Variants in CDH4 observed in about 807,000 individuals in gnomAD.
CDH4 encodes the protein cadherin-4.
CDH4 carries 33 observed loss-of-function variants against 86.0 expected under a neutral mutation model. The ratio of observed to expected loss-of-function variants is 0.38; its 90% confidence interval spans 0.29 to 0.51. The LOEUF (loss-of-function observed/expected upper bound fraction) is 0.51. Ranked by LOEUF, CDH4 falls within the 20% of genes least tolerant of loss-of-function variation. CDH4 has a pLI of 0.86. For missense variants in CDH4, 1,114 were observed against 1,307.4 expected (o/e 0.85, Z 2.28); for synonymous variants, 555 against 549.4 (o/e 1.01, Z -0.14).
chr20:61,731,482 C>CT (rs765104285), intron 2 of CDH4, among the ~76,000 whole-genome samples: 89 of 152,296 alleles, frequency 5.8e-4, no homozygotes, highest in Non-Finnish European at 1.1e-3. Context: ...GGGCAGGGCC[C>CT]ATAGGGTGCA....
intron 2 of CDH4, among the ~76,000 whole-genome samples, chr20:61,638,637 A>G (rs935355513): frequency 7.9e-5 from 12 of 152,250 alleles, no homozygotes; most frequent in African/African-American, 2.4e-4. Flanking sequence ...CTGTCATTCA[A>G]TTTGAGGCAC....
chr20:61,822,308 G>T (rs780271894), intron 4 of CDH4, among the ~76,000 whole-genome samples: 6 of 152,188 alleles, frequency 3.9e-5, no homozygotes, highest in Non-Finnish European at 7.3e-5. Flanking sequence ...GGGTGAGTAT[G>T]ATTATCGCAC....
At chr20:61,674,925 G>A (rs149196038) in intron 2 of CDH4, among the ~76,000 whole-genome samples, 9 of 152,312 alleles carry the variant, frequency 5.9e-5, no homozygotes, top group South Asian at 4.1e-4. Context: ...ATTCCTGTAC[G>A]TATTGTCTGT....
At chr20:61,849,209 C>T (rs1409907740) in intron 5 of CDH4, among the ~76,000 whole-genome samples, 1 of 151,980 alleles carries the variant, frequency 6.6e-6, no homozygotes, top group Non-Finnish European at 1.5e-5. Context: ...GCCTGGCTTT[C>T]CTGCCCTTCC....
At chr20:61,298,770 A>G (rs1010011627) in intron 2 of CDH4, among the ~76,000 whole-genome samples, 3 of 151,434 alleles carry the variant, frequency 2.0e-5, no homozygotes, top group African/African-American at 7.3e-5. Context: ...GTCATTTCCA[A>G]GTTAAGCTGC....
In CDH4 at chr20:61,852,837, C is replaced by T; in HGVS notation, c.816C>T (p.Asp272=). Residue 272 remains aspartate, a synonymous_variant, in exon 6 of 16, where the codon GAC becomes GAT. Transcript: ENST00000614565. ...DLYIYVIDMN[D]NRPEFINQVY... is the part of the protein sequence containing the mutation. Reference sequence around the variant, plus strand: ...ACATCTACGTCATCGACATGAATGACAACCGCCCTGAGTTCATCAACCAGG... The same window carrying T: ...ACATCTACGTCATCGACATGAATGATAACCGCCCTGAGTTCATCAACCAGG... 1 of 1,614,124 alleles carries T rather than the reference C, an allele frequency of 6.2e-7. No individual in the cohort carries two copies. Among genetic ancestry groups the T allele is most frequent in the East Asian group, 2.2e-5 (1 of 44,878 alleles).
At chr20:61,648,407 C>A (rs934920552) in intron 2 of CDH4, among the ~76,000 whole-genome samples, 1 of 152,074 alleles carries the variant, frequency 6.6e-6, no homozygotes, top group Non-Finnish European at 1.5e-5. Context: ...CTCTGAGGGC[C>A]GGCAGTGTGA....
chr20:61,897,225 A>G (rs146987720), intron 8 of CDH4, among the ~76,000 whole-genome samples: 3 of 152,258 alleles, frequency 2.0e-5, no homozygotes, highest in African/African-American at 7.2e-5. Context: ...TTGTGGTCCT[A>G]AATCCCAAAA....
At chr20:61,302,496 C>T (rs951888544) in intron 2 of CDH4, among the ~76,000 whole-genome samples, 18 of 149,932 alleles carry the variant, frequency 1.2e-4, no homozygotes, top group Non-Finnish European at 2.2e-4. Context: ...TGGGGGGGGT[C>T]TGTTGTCACA....
At chr20:61,257,572 A>G (rs909327946) in intron 2 of CDH4, among the ~76,000 whole-genome samples, 3 of 152,238 alleles carry the variant, frequency 2.0e-5, no homozygotes, top group African/African-American at 2.4e-5. Flanking sequence ...GCAATTGCAT[A>G]TACTCTTATG....
chr20:61,563,124 A>T (rs1052594382), intron 2 of CDH4, among the ~76,000 whole-genome samples: 1 of 151,486 alleles, frequency 6.6e-6, no homozygotes, highest in Non-Finnish European at 1.5e-5. Context: ...TCTTAGCTCC[A>T]GAGTCCGGAA....
At chr20:61,797,842 G>A (rs755719676) in intron 4 of CDH4, among the ~76,000 whole-genome samples, 3 of 152,170 alleles carry the variant, frequency 2.0e-5, no homozygotes, top group Non-Finnish European at 2.9e-5. Context: ...AGGTTCTGGC[G>A]GAGAAGCCCA....
intron 3 of CDH4, among the ~76,000 whole-genome samples, chr20:61,758,944 CAT>C (rs1447074501): frequency 6.6e-6 from 1 of 152,146 alleles, no homozygotes; most frequent in East Asian, 1.9e-4. Context: ...TGGGTGTACA[CAT>C]GTATATGAGT....
intron 9 of CDH4, among the ~76,000 whole-genome samples, chr20:61,912,132 A>C (rs1398248377): frequency 6.6e-6 from 1 of 152,196 alleles, no homozygotes; most frequent in African/African-American, 2.4e-5. Flanking sequence ...GTAGGAAATC[A>C]AAAAGGGGGG....
At chr20:61,474,091 C>T (rs1374085634) in intron 2 of CDH4, among the ~76,000 whole-genome samples, 1 of 151,362 alleles carries the variant, frequency 6.6e-6, no homozygotes, top group Non-Finnish European at 1.5e-5. Context: ...TAAACTTCTT[C>T]CACTCTCTGG....
intron 2 of CDH4, among the ~76,000 whole-genome samples, chr20:61,733,355 C>T (rs973610141): frequency 6.6e-6 from 1 of 151,504 alleles, no homozygotes; most frequent in African/African-American, 2.4e-5. Flanking sequence ...TCACAGCCGC[C>T]GCTCCCAGTG....
chr20:61,753,027 A>G (rs1020523552), intron 3 of CDH4, among the ~76,000 whole-genome samples: 1 of 152,170 alleles, frequency 6.6e-6, no homozygotes, highest in Admixed American at 6.5e-5. Flanking sequence ...TTTTAAACAA[A>G]TGCATGCAGA....
intron 2 of CDH4, among the ~76,000 whole-genome samples, chr20:61,326,031 T>C (rs1449566856): frequency 6.6e-6 from 1 of 152,230 alleles, no homozygotes; most frequent in South Asian, 2.1e-4. Flanking sequence ...ATACCCGTGA[T>C]AGTAGTGGGA....
chr20:61,854,132 A>C (rs1184244511), intron 6 of CDH4, among the ~76,000 whole-genome samples: 2 of 152,124 alleles, frequency 1.3e-5, no homozygotes, highest in African/African-American at 4.8e-5. Context: ...GGCTTTACAG[A>C]AGTTGGCAGT....
Sources: allele counts gnomAD v4.1 joint callset (sites outside exome capture counted in the v4.1 genomes callset), GRCh38; gene constraint gnomAD v4.1.1; transcripts MANE v1.5; gene names NCBI Gene and HGNC (gene_info 2026-07-23, HGNC 2026-07-21).